CMTR1: variants seen among roughly 807,000 people sequenced by gnomAD.
The protein encoded by CMTR1 is cap methyltransferase 1, also known as cap-specific mRNA (nucleoside-2'-O-)-methyltransferase 1.
In CMTR1, 39 loss-of-function variants were observed where a neutral mutation model predicts 107.0. The ratio of observed to expected loss-of-function variants is 0.36; its 90% CI spans 0.28 to 0.48. CMTR1 has a LOEUF of 0.48. CMTR1 is among the 20% of genes least tolerant of loss of function. CMTR1 has a pLI of 0.99. For synonymous variants in CMTR1, 366 were observed against 379.5 expected, an observed-to-expected ratio of 0.96 and a Z score of 0.41; for missense variants, 672 against 1,064.9, an observed-to-expected ratio of 0.63 and a Z score of 5.14.
chr6:37,455,636 T>C (rs1175681373), intron 8 of CMTR1, among the ~76,000 whole-genome samples: 7 of 152,056 alleles, frequency 4.6e-5, no homozygotes, highest in Admixed American at 4.6e-4. Context: ...GGTAGATCTC[T>C]AAGTTTCAGT....
At position 37,453,117 on chromosome 6, in the gene CMTR1, T is replaced by C; in HGVS notation, c.680T>C (p.Ile227Thr). 1 of 1,614,132 alleles carries C rather than the reference T, an allele frequency of 6.2e-7. No individual in the cohort carries two copies. The highest frequency in any genetic ancestry group is 1.3e-5 in the African/African-American group (1 of 75,018). ...ACTCGGGCCAATCCCTATGAGATGATCCGAGGAGTCTTCTTTCTAAACAGG... is the reference window on the plus strand; with the variant it reads ...ACTCGGGCCAATCCCTATGAGATGACCCGAGGAGTCTTCTTTCTAAACAGG... ...ARTRANPYEM[I>T]RGVFFLNRAA... is the part of the protein sequence containing the mutation. Residue 227 changes from isoleucine to threonine, a missense_variant, in exon 7 of 24, where the codon ATC becomes ACC. Physicochemically the swap from Ile to Thr is moderately conservative, Grantham distance 89. Transcript: ENST00000373451.
At chr6:37,456,499 A>G (rs1040030595) in intron 8 of CMTR1, among the ~76,000 whole-genome samples, 1 of 152,214 alleles carries the variant, frequency 6.6e-6, no homozygotes, top group South Asian at 2.1e-4. Flanking sequence ...CCAGATAGCT[A>G]TCATCAGAAG....
chr6:37,458,551 C>T lies in CMTR1; in HGVS notation c.778-61C>T. 2.6e-6 allele frequency: 4 copies of T among 1,529,262 alleles called. No homozygotes were observed. The Admixed American group carries it at 7.0e-5, about 27-fold the overall frequency. The allele number at this position is 1,529,262 out of a possible 1,614,324, so 94.7% of individuals were successfully genotyped here. On this transcript the variant is annotated intron_variant, in intron 8 of 23. Transcript: ENST00000373451. This position sits in a 1 kb window ranked among gnomAD's most constrained non-coding sequence, Gnocchi z 4.7. ...ATTTTACTCTCCCTGCATTCTCCTT[C>T]CTGTTGCCCATTGAGCTGTCTTGTT...
intron 6 of CMTR1, among the ~76,000 whole-genome samples, chr6:37,452,498 G>T (rs1345577413): frequency 1.3e-5 from 2 of 152,218 alleles, no homozygotes; most frequent in Non-Finnish European, 2.9e-5. Flanking sequence ...TTTATTTTTT[G>T]GCAGGCATAG....
chr6:37,452,304 C>T (rs1460365426), intron 6 of CMTR1, among the ~76,000 whole-genome samples: 1 of 152,172 alleles, frequency 6.6e-6, no homozygotes, highest in African/African-American at 2.4e-5. Flanking sequence ...ATACTCTTTT[C>T]TCAGGGTTGT....
intron 6 of CMTR1, among the ~76,000 whole-genome samples, chr6:37,452,586 G>A (rs1761203888): frequency 6.6e-6 from 1 of 152,204 alleles, no homozygotes; most frequent in African/African-American, 2.4e-5. Flanking sequence ...TTGGTCAGGG[G>A]AGTTTGAGAG....
chr6:37,437,578 A>G (rs574119824), intron 2 of CMTR1, among the ~76,000 whole-genome samples: 18 of 152,146 alleles, frequency 1.2e-4, no homozygotes, highest in African/African-American at 2.4e-4. Flanking sequence ...GCCCAAGACA[A>G]TTCTTCCAGT....
intron 13 of CMTR1, among the ~76,000 whole-genome samples, chr6:37,465,767 T>A (rs532155287): frequency 7.2e-5 from 11 of 152,188 alleles, no homozygotes; most frequent in Non-Finnish European, 1.5e-4. Flanking sequence ...AGTACTGGGA[T>A]TTCAGGCATG....
chr6:37,474,256 C>G (rs963391343), intron 17 of CMTR1, among the ~76,000 whole-genome samples: 8 of 152,226 alleles, frequency 5.3e-5, no homozygotes, highest in Admixed American at 5.2e-4. Flanking sequence ...TTGAGGGCCA[C>G]TAATTATGGA....
At chr6:37,428,008 CAGAGAGAG>C in the CMTR1 span, among the ~76,000 whole-genome samples, 4,768 of 114,774 alleles carry the variant, frequency 0.042, 88 homozygotes, top group African/African-American at 0.065. Flanking sequence ...GCAACAGAGA[CAGAGAGAG>C]AGAGAGAGAG....
rs765603272 is a variant in CMTR1 at position 37,435,744 on chromosome 6, G to C, written c.115G>C (p.Val39Leu). 3 of 1,595,498 alleles carry C rather than the reference G, an allele frequency of 1.9e-6. No homozygotes were observed. Among genetic ancestry groups the C allele is most frequent in the Non-Finnish European group, 2.6e-6 (3 of 1,173,674 alleles). ...GTCCGATGATGAACCTCCCTCCTCT[G>C]TCAGTCATGGAGCAAAAGGTACGTG... The part of the protein sequence containing the change: ...STSDDEPPSS[V>L]SHGAKASTTS... Residue 39 changes from valine to leucine, a missense_variant, in exon 2 of 24, where the codon GTC (valine) becomes CTC (leucine). Val to Leu is a conservative substitution (Grantham distance 32). This residue lies in a region of CMTR1 where 89 missense variants were observed against 96.6 expected (regional missense o/e 0.92). Transcript: ENST00000373451.
At chr6:37,450,019 G>A (rs1771897341) in intron 4 of CMTR1, among the ~76,000 whole-genome samples, 1 of 152,166 alleles carries the variant, frequency 6.6e-6, no homozygotes, top group Non-Finnish European at 1.5e-5. Flanking sequence ...GAAACCTTAG[G>A]TTTGAGAAGT....
At chr6:37,476,224 T>G (rs753399183) in intron 20 of CMTR1, 30 bp downstream of exon 20, 10 of 1,611,058 alleles carry the variant, frequency 6.2e-6, no homozygotes, top group African/African-American at 5.3e-5. Flanking sequence ...CCTCCATGCT[T>G]CTTTCTGGCC....
chr6:37,444,018 T>C lies in CMTR1; in HGVS notation c.153T>C (p.Ser51=). Residue 51 remains serine (S), a synonymous_variant, in exon 3 of 24, where the codon AGT becomes AGC. Coordinates refer to ENST00000373451, the MANE Select transcript of CMTR1 (RefSeq NM_015050.3). ...HGAKASTTSL[S]GSDSETEGKQ... Reference sequence around the variant, plus strand: ...TTTCAGCATCTACTACAAGCCTTAGTGGGTCTGATAGTGAGACCGAGGGGA... The same window carrying C: ...TTTCAGCATCTACTACAAGCCTTAGCGGGTCTGATAGTGAGACCGAGGGGA... 1.2e-6 allele frequency: 2 copies of C among 1,614,116 alleles called. No homozygotes were observed. Among genetic ancestry groups the C allele is most frequent in the Non-Finnish European group, 1.7e-6 (2 of 1,180,016 alleles).
chr6:37,472,476 G>C lies in CMTR1; in HGVS notation c.1678G>C (p.Glu560Gln). ...CTCCGACCCTAAATCGAAGTTCTTT[G>C]AGCTAATCCAGGTAAGACTGGTATC... ...SSSDPKSKFFELIQGTEIDIF... is the reference protein window; with the variant it reads ...SSSDPKSKFFQLIQGTEIDIF... Residue 560 changes from glutamate to glutamine, a missense_variant, in exon 16 of 24, where the codon GAG becomes CAG. Physicochemically the swap from Glu to Gln is conservative, Grantham distance 29. Around this residue, in one of 2 missense-constraint regions of CMTR1, gnomAD observed 583 missense variants for 968.4 expected, o/e 0.60. Transcript: ENST00000373451. The surrounding 1 kb of genome is among the most constrained non-coding windows in gnomAD (Gnocchi z 4.1). 1 of 1,614,122 alleles carries C rather than the reference G, an allele frequency of 6.2e-7. No individual in the cohort carries two copies. The highest frequency in any genetic ancestry group is 1.1e-5 in the South Asian group (1 of 91,080).
chr6:37,436,808 A>G (rs1357096698), intron 2 of CMTR1, among the ~76,000 whole-genome samples: 4 of 152,170 alleles, frequency 2.6e-5, no homozygotes, highest in Admixed American at 6.5e-5. Context: ...GGAGGATACC[A>G]TATTCAACCC....
At position 37,480,342 on chromosome 6, in the gene CMTR1, C is replaced by G. The variant is rs1041189967; in HGVS notation, c.*197C>G. The G allele has an allele frequency of 1.8e-5, 25 of 1,366,676 alleles. No individual in the cohort carries two copies. Among genetic ancestry groups the G allele is most frequent in the Non-Finnish European group, 2.3e-5 (25 of 1,071,138 alleles). 84.7% of individuals were successfully genotyped at this position (1,366,676 alleles called of 1,614,324 possible). On this transcript the variant is annotated 3_prime_UTR_variant, in exon 24 of 24. Transcript: ENST00000373451. Reference sequence around the variant, plus strand: ...CCTGCAGAGAACACTCATGTTCCTTCTGGGACACCTGCCTGGGAACTTTCC... The same window carrying G: ...CCTGCAGAGAACACTCATGTTCCTTGTGGGACACCTGCCTGGGAACTTTCC...
chr6:37,480,311 C>G lies in CMTR1; in HGVS notation c.*166C>G. ...CTCTCCATCCCCTGAAGAGCTCAGGCAGGGCCCTGCAGAGAACACTCATGT... is the reference window on the plus strand; with the variant it reads ...CTCTCCATCCCCTGAAGAGCTCAGGGAGGGCCCTGCAGAGAACACTCATGT... On this transcript the variant is annotated 3_prime_UTR_variant, in exon 24 of 24. Coordinates refer to ENST00000373451, the MANE Select transcript of CMTR1 (RefSeq NM_015050.3). The G allele has an allele frequency of 2.1e-6, 3 of 1,416,376 alleles. No individual in the cohort carries two copies. The highest frequency in any genetic ancestry group is 3.2e-5 in the South Asian group (2 of 62,798). 87.7% of individuals were successfully genotyped at this position (1,416,376 alleles called of 1,614,324 possible). A position where few individuals can be genotyped will look rare whatever the true frequency, so the allele number is the denominator to read the frequency against.
Position 37,481,031 on chromosome 6 carries a change from T to C in CMTR1, c.*886T>C, listed in dbSNP as rs1306109942. 1 of 1,304,022 alleles carries C rather than the reference T, an allele frequency of 7.7e-7. No homozygotes were observed. The highest frequency in any genetic ancestry group is 5.5e-5 in the East Asian group (1 of 18,038). 80.8% of individuals were successfully genotyped at this position (1,304,022 alleles called of 1,614,324 possible). On this transcript the variant is annotated 3_prime_UTR_variant, in exon 24 of 24. Transcript: ENST00000373451. ...CCTCTGGCAGTCATGCACCGCTGTC[T>C]GCCATAGCCGCTCTAGGGTCTTGGC...
Sources: allele counts gnomAD v4.1 joint callset (sites outside exome capture counted in the v4.1 genomes callset), GRCh38; gene constraint gnomAD v4.1.1; regional missense constraint gnomAD v4.1.1; non-coding constraint Gnocchi (gnomAD v3.1); transcripts MANE v1.5; gene names NCBI Gene and HGNC (gene_info 2026-07-23, HGNC 2026-07-21).